Variants in UMODL1 observed in about 807,000 individuals in gnomAD.
UMODL1 encodes the protein uromodulin like 1, also known as uromodulin-like 1.
In UMODL1, 128 loss-of-function variants were observed where a neutral mutation model predicts 136.3. That is an observed-to-expected ratio of 0.94 (90% confidence interval 0.81 to 1.09). The LOEUF (loss-of-function observed/expected upper bound fraction) is 1.09. Among genes scored for constraint, UMODL1 ranks in the 50% least tolerant of loss-of-function variants. The pLI, the probability that UMODL1 is intolerant of heterozygous loss-of-function variation, is 0.00. For missense variants in UMODL1, 1,766 were observed against 1,725.6 expected (o/e 1.02, Z -0.41); for synonymous variants, 721 against 720.0 (o/e 1.00, Z -0.02).
At chr21:42,135,933 C>T (rs1413859905) in intron 21 of UMODL1, among the ~76,000 whole-genome samples, 1 of 152,200 alleles carries the variant, frequency 6.6e-6, no homozygotes, top group Non-Finnish European at 1.5e-5. Context: ...GAAATCAATA[C>T]AGGGAATGAA....
chr21:42,122,812 T>A lies in UMODL1; in HGVS notation c.2828-19T>A. ...AAACACAGAGCCACTCTTTGCCTTT[T>A]CCTCCTTGTGCCTTGCAGGTGACTC... On this transcript the variant is annotated intron_variant, in intron 16 of 22. Transcript: ENST00000408910. The surrounding 1 kb of genome is among the most constrained non-coding windows in gnomAD (Gnocchi z 4.3). 1 of 1,566,848 alleles carries A rather than the reference T, an allele frequency of 6.4e-7. No individual in the cohort carries two copies. Among genetic ancestry groups the A allele is most frequent in the Non-Finnish European group, 8.7e-7 (1 of 1,154,890 alleles).
intron 13 of UMODL1, among the ~76,000 whole-genome samples, 182 bp from the exon 14 acceptor site, chr21:42,115,691 T>C (rs1263240504): frequency 6.6e-6 from 1 of 152,188 alleles, no homozygotes; most frequent in Non-Finnish European, 1.5e-5. Flanking sequence ...CTGTGTTCTG[T>C]GTCCTCTGGA....
rs999747753 is a variant in UMODL1, at chr21:42,093,484, G to A, written c.931+3046G>A. On this transcript the variant is annotated intron_variant, in intron 6 of 22. Transcript: ENST00000408910. ...TCCTTCCTCCTTGGCCTCACAAAGCGCTGGGATTGCAGGCAGGAGACCCCG... is the reference window on the plus strand; with the variant it reads ...TCCTTCCTCCTTGGCCTCACAAAGCACTGGGATTGCAGGCAGGAGACCCCG... The A allele has an allele frequency of 4.9e-5, 8 of 164,028 alleles. No homozygotes were observed. In the South Asian group the frequency reaches 1.1e-3, roughly 23 times the overall value. The allele number at this position is 164,028 out of a possible 1,614,324, so 10.2% of individuals were successfully genotyped here.
chr21:42,107,759 C>A (rs1043228397), intron 9 of UMODL1, among the ~76,000 whole-genome samples: 2 of 152,130 alleles, frequency 1.3e-5, no homozygotes, highest in Non-Finnish European at 2.9e-5. Context: ...CAGGGTGGCC[C>A]AGGAGATCTG....
In UMODL1 at chr21:42,109,557, G is replaced by A; in HGVS notation, c.1520-5G>A. 1 of 1,610,564 alleles carries A rather than the reference G, an allele frequency of 6.2e-7. No individual in the cohort carries two copies. The highest frequency in any genetic ancestry group is 8.5e-7 in the Non-Finnish European group (1 of 1,179,968). On this transcript the variant is annotated splice_region_variant and splice_polypyrimidine_tract_variant and intron_variant, in intron 9 of 22. Transcript: ENST00000408910. The stretch of plus-strand genomic sequence containing the variant: ...ATGGGTTTTGATTGTGTCTCCCCCT[G>A]GCAGACTGGGACGAGTGTGTGGACA...
At chr21:42,115,526 C>T (rs2066891302) in intron 13 of UMODL1, among the ~76,000 whole-genome samples, 1 of 152,218 alleles carries the variant, frequency 6.6e-6, no homozygotes, top group Non-Finnish European at 1.5e-5. Context: ...AATGGTGCCT[C>T]CACATGCTTC....
intron 2 of UMODL1, among the ~76,000 whole-genome samples, chr21:42,081,989 A>G (rs1370959037): frequency 1.3e-5 from 2 of 152,088 alleles, no homozygotes; most frequent in South Asian, 2.1e-4. Context: ...CCCAACGTTC[A>G]TTTTTCATGC....
chr21:42,114,882 TG>T (rs2066883209), intron 13 of UMODL1, among the ~76,000 whole-genome samples: 1 of 152,148 alleles, frequency 6.6e-6, no homozygotes, highest in Non-Finnish European at 1.5e-5. Flanking sequence ...CCCAAACCTG[TG>T]GGTGCACTTA....
intron 2 of UMODL1, among the ~76,000 whole-genome samples, chr21:42,076,715 C>G (rs1569140271): frequency 6.6e-6 from 1 of 152,186 alleles, no homozygotes; most frequent in Non-Finnish European, 1.5e-5. Context: ...GCAGCCTTTT[C>G]TTTCTAAAAG....
At position 42,127,618 on chromosome 21, in the gene UMODL1, C is replaced by T. The variant is rs1439812019; in HGVS notation, c.3531-54C>T. The T allele has an allele frequency of 1.3e-5, 20 of 1,557,166 alleles. 1 individual carries two copies. Among genetic ancestry groups the T allele is most frequent in the Admixed American group, 3.9e-5 (2 of 51,108 alleles). ...AGTCGTGAGTAAACTCATCTGAGAA[C>T]AAGGACAGCGGGGCTCGCTGACAAG... On this transcript the variant is annotated intron_variant, in intron 19 of 22. Transcript: ENST00000408910.
chr21:42,110,715 A>G (rs969846201), intron 10 of UMODL1, among the ~76,000 whole-genome samples, 165 bp from the exon 11 acceptor site: 2 of 152,154 alleles, frequency 1.3e-5, no homozygotes, highest in South Asian at 4.1e-4. Flanking sequence ...GGCTGCAAAC[A>G]TGGGCCCAGG....
intron 21 of UMODL1, among the ~76,000 whole-genome samples, chr21:42,133,100 A>G (rs2067154952): frequency 6.6e-6 from 1 of 152,228 alleles, no homozygotes; most frequent in South Asian, 2.1e-4. Context: ...ATCTATGACT[A>G]TCATACAAAT....
intron 2 of UMODL1, among the ~76,000 whole-genome samples, chr21:42,081,368 T>A (rs1056371738): frequency 6.6e-6 from 1 of 152,228 alleles, no homozygotes; most frequent in Non-Finnish European, 1.5e-5. Context: ...CACTGGACCA[T>A]GACTAGCAGT....
chr21:42,136,988 C>T (rs2067213050), intron 21 of UMODL1, among the ~76,000 whole-genome samples: 1 of 152,170 alleles, frequency 6.6e-6, no homozygotes, highest in African/African-American at 2.4e-5. Flanking sequence ...AATCTCTTGA[C>T]CTTGTGACCC....
chr21:42,091,053 G>T (rs1479191269), intron 6 of UMODL1, among the ~76,000 whole-genome samples: 2 of 152,202 alleles, frequency 1.3e-5, no homozygotes, highest in Non-Finnish European at 2.9e-5. Context: ...AGAGGGAATG[G>T]CTGGCTAACC....
chr21:42,110,026 G>A (rs1244876562), intron 10 of UMODL1, among the ~76,000 whole-genome samples: 1 of 152,156 alleles, frequency 6.6e-6, no homozygotes, highest in East Asian at 1.9e-4. Context: ...CAGAAGTCAG[G>A]ATGCAGCCCG....
chr21:42,139,025 G>A (rs747102011), intron 22 of UMODL1, among the ~76,000 whole-genome samples: 44 of 152,158 alleles, frequency 2.9e-4, no homozygotes, highest in Admixed American at 4.6e-4. Flanking sequence ...AAAATAAGCC[G>A]GGTGTGGTGG....
rs1238552510 is a variant in UMODL1 at position 42,113,702 on chromosome 21, T to C, written c.2234T>C (p.Val745Ala). ...CTGACTTCCATGTGGAGCCCTGCTGTGGTCCTAGAGACCTGGAACACGAGT... is the reference window on the plus strand; with the variant it reads ...CTGACTTCCATGTGGAGCCCTGCTGCGGTCCTAGAGACCTGGAACACGAGT... Reference protein sequence around the residue: ...LTLTSMWSPAVVLETWNTSVT... With the variant: ...LTLTSMWSPAAVLETWNTSVT... Residue 745 changes from valine to alanine, a missense_variant, in exon 13 of 23, where the codon GTG becomes GCG. Val to Ala is a moderately conservative substitution (Grantham distance 64). Coordinates refer to ENST00000408910, the MANE Select transcript of UMODL1 (RefSeq NM_001004416.3). The C allele has an allele frequency of 6.2e-7, 1 of 1,614,124 alleles. No individual in the cohort carries two copies. Among genetic ancestry groups the C allele is most frequent in the Admixed American group, 1.7e-5 (1 of 60,030 alleles).
intron 4 of UMODL1, among the ~76,000 whole-genome samples, chr21:42,087,590 G>A (rs138066438): frequency 1.1e-4 from 16 of 152,334 alleles, no homozygotes; most frequent in Non-Finnish European, 1.6e-4. Context: ...ACAGGAGACC[G>A]TGGCTTTTGA....
Sources: allele counts gnomAD v4.1 joint callset (sites outside exome capture counted in the v4.1 genomes callset), GRCh38; gene constraint gnomAD v4.1.1; non-coding constraint Gnocchi (gnomAD v3.1); transcripts MANE v1.5; gene names NCBI Gene and HGNC (gene_info 2026-07-23, HGNC 2026-07-21).